USP26: variants seen among roughly 807,000 people sequenced by gnomAD.
USP26 encodes ubiquitin specific peptidase 26, also known as ubiquitin carboxyl-terminal hydrolase 26.
For missense variants in USP26, 649 were observed against 642.3 expected, an observed-to-expected ratio of 1.01 and a Z score of -0.11; for synonymous variants, 236 against 240.6, an observed-to-expected ratio of 0.98 and a Z score of 0.18.
intron 5 of USP26, among the ~76,000 whole-genome samples, chrX:133,050,208 A>G (rs1656978375): frequency 9.0e-6 from 1 of 111,216 alleles, no homozygotes; most frequent in Admixed American, 9.6e-5. Context: ...GCTTTTTATT[A>G]CTCTTACATA....
chrX:133,088,261 G>T (rs956279655), intron 4 of USP26, among the ~76,000 whole-genome samples: 1 of 111,483 alleles, frequency 9.0e-6, no homozygotes, highest in Non-Finnish European at 1.9e-5. Flanking sequence ...CCAGGGATCA[G>T]TTTTGTGGAA....
chrX:133,042,062 T>C (rs937809197), intron 5 of USP26, among the ~76,000 whole-genome samples: 2 of 111,712 alleles, frequency 1.8e-5, no homozygotes, highest in African/African-American at 3.3e-5. Flanking sequence ...CCTCCCCACA[T>C]CAAGCCCGAT....
chrX:133,025,442 A>AG lies in USP26; in HGVS notation c.*36dup. 1 of 1,209,634 alleles carries AG rather than the reference A, an allele frequency of 8.3e-7. No individual in the cohort carries two copies. Among genetic ancestry groups the AG allele is most frequent in the Non-Finnish European group, 1.1e-6 (1 of 894,924 alleles). ...TGGAGGAAGTGGTATCGAGTGAGAC[A>AG]GTCAGGCAGATCTGTACAAGGAGGA... On this transcript the variant is annotated 3_prime_UTR_variant, in exon 6 of 6. Coordinates refer to ENST00000511190, the MANE Select transcript of USP26 (RefSeq NM_031907.3).
intron 5 of USP26, among the ~76,000 whole-genome samples, chrX:133,048,544 T>C (rs1056728725): frequency 1.0e-5 from 1 of 99,093 alleles, no homozygotes; most frequent in African/African-American, 3.8e-5. Flanking sequence ...AGTGGAACAG[T>C]TGCATTTTTT....
intron 3 of USP26, among the ~76,000 whole-genome samples, chrX:133,090,456 G>A (rs1393639116): frequency 8.9e-6 from 1 of 112,366 alleles, no homozygotes; most frequent in African/African-American, 3.2e-5. Flanking sequence ...GCCATAGCAG[G>A]CAACAACTCC....
chrX:133,030,083 AT>A (rs1397881292), intron 5 of USP26, among the ~76,000 whole-genome samples: 1 of 112,118 alleles, frequency 8.9e-6, no homozygotes, highest in Non-Finnish European at 1.9e-5. Context: ...ACAGCCTAAA[AT>A]AAACTTCAGC....
At chrX:133,082,586 A>G (rs2067574214) in intron 5 of USP26, among the ~76,000 whole-genome samples, 1 of 112,165 alleles carries the variant, frequency 8.9e-6, no homozygotes, top group Non-Finnish European at 1.9e-5. Flanking sequence ...TTGAGTCTCT[A>G]AACTCCACAC....
At chrX:133,066,639 A>G (rs1362990940) in intron 5 of USP26, among the ~76,000 whole-genome samples, 1 of 112,243 alleles carries the variant, frequency 8.9e-6, no homozygotes. Flanking sequence ...TCCCTATTTA[A>G]TAAATGGTGC....
In USP26 at chrX:133,025,571, T is replaced by C. The variant is rs748537069; in HGVS notation, c.2650A>G (p.Met884Val). 18 of 1,211,468 alleles carry C rather than the reference T, an allele frequency of 1.5e-5. No individual in the cohort carries two copies. The highest frequency in any genetic ancestry group is 1.8e-5 in the South Asian group (1 of 56,919). Residue 884 changes from methionine (M) to valine (V), a missense_variant, in exon 6 of 6, where the codon ATG becomes GTG. Transcript: ENST00000511190. ...RRCTGYIFFY[M>V]HNEIFEEMLK... Reference sequence around the variant, plus strand: ...ATCTCTTCAAAGATCTCATTATGCATGTAAAAGAAGATGTACCCAGTGCAA... The same window carrying C: ...ATCTCTTCAAAGATCTCATTATGCACGTAAAAGAAGATGTACCCAGTGCAA...
At chrX:133,061,239 A>C (rs1428289924) in intron 5 of USP26, among the ~76,000 whole-genome samples, 1 of 112,430 alleles carries the variant, frequency 8.9e-6, no homozygotes, top group Non-Finnish European at 1.9e-5. Flanking sequence ...TCAAGTCCTA[A>C]GATACTGTAC....
intron 5 of USP26, among the ~76,000 whole-genome samples, chrX:133,033,079 C>T (rs752778828): frequency 9.0e-5 from 10 of 111,284 alleles, no homozygotes; most frequent in South Asian, 7.7e-4. Flanking sequence ...TGCAGGGAGT[C>T]GGGGACAGCA....
intron 5 of USP26, among the ~76,000 whole-genome samples, chrX:133,068,889 G>C (rs182444756): frequency 2.7e-3 from 302 of 112,226 alleles, no homozygotes; most frequent in Middle Eastern, 4.6e-3. Context: ...GGTTATTTTG[G>C]AGGTGTTCCG....
At chrX:133,070,257 A>G (rs1447999449) in intron 5 of USP26, among the ~76,000 whole-genome samples, 1 of 112,143 alleles carries the variant, frequency 8.9e-6, no homozygotes, top group African/African-American at 3.2e-5. Context: ...TGTACATTTG[A>G]AGACATTTAT....
intron 5 of USP26, among the ~76,000 whole-genome samples, chrX:133,038,990 T>G (rs1248894312): frequency 5.3e-5 from 6 of 112,197 alleles, no homozygotes; most frequent in Non-Finnish European, 9.4e-5. Context: ...TTTGTATTTC[T>G]GTGGGGTCAG....
intron 5 of USP26, among the ~76,000 whole-genome samples, chrX:133,064,196 G>A (rs758884395): frequency 8.9e-6 from 1 of 112,082 alleles, no homozygotes; most frequent in African/African-American, 3.2e-5. Context: ...AAATATACAT[G>A]CACCCAATAC....
chrX:133,062,899 G>A (rs1237197236), intron 5 of USP26, among the ~76,000 whole-genome samples: 1 of 111,312 alleles, frequency 9.0e-6, no homozygotes, highest in Non-Finnish European at 1.9e-5. Context: ...GACAGAAGTA[G>A]GCTTCAGAGG....
intron 1 of USP26, among the ~76,000 whole-genome samples, chrX:133,092,296 A>T (rs1450008995): frequency 1.8e-5 from 2 of 112,017 alleles, no homozygotes; most frequent in Non-Finnish European, 3.8e-5. Flanking sequence ...CAAAGATGTC[A>T]GTTGATTGTA....
At chrX:133,048,383 GGGGATTT>G (rs1473528648) in intron 5 of USP26, among the ~76,000 whole-genome samples, 1 of 111,567 alleles carries the variant, frequency 9.0e-6, no homozygotes, top group East Asian at 2.8e-4. Flanking sequence ...AGCCATTGAA[GGGGATTT>G]GGCTTTGATT....
chrX:133,053,455 T>A (rs1203809725), intron 5 of USP26, among the ~76,000 whole-genome samples: 1 of 108,206 alleles, frequency 9.2e-6, no homozygotes. Flanking sequence ...GGAGAATCAC[T>A]TGAACCTGAG....
Sources: gnomAD v4.1 joint callset for allele counts (sites outside exome capture counted in the v4.1 genomes callset) on GRCh38, gnomAD v4.1.1 for gene constraint, MANE v1.5 for transcripts, NCBI Gene and HGNC (gene_info 2026-07-23, HGNC 2026-07-21) for gene names.